Variants in RGS6 observed in about 807,000 individuals in gnomAD.
The protein encoded by RGS6 is regulator of G-protein signaling 6.
A neutral mutation model predicts 78.5 loss-of-function variants in RGS6; 30 were observed. The ratio of observed to expected loss-of-function variants is 0.38; its 90% CI spans 0.29 to 0.52. RGS6 has a LOEUF of 0.52. Ranked by LOEUF, RGS6 falls within the 20% of genes least tolerant of loss-of-function variation. The pLI, the probability that RGS6 is intolerant of heterozygous loss-of-function variation, is 0.85. For missense variants in RGS6, 495 were observed against 609.7 expected, an observed-to-expected ratio of 0.81 and a Z score of 1.98; for synonymous variants, 206 against 206.0, an observed-to-expected ratio of 1.00 and a Z score of 0.00.
intron 1 of RGS6, among the ~76,000 whole-genome samples, chr14:71,938,059 G>A (rs1301623200): frequency 6.6e-6 from 1 of 152,128 alleles, no homozygotes; most frequent in African/African-American, 2.4e-5. Context: ...GGGTGGTGAC[G>A]GGTGGCTGGG....
At chr14:72,416,014 G>C (rs1461495269) in intron 3 of RGS6, among the ~76,000 whole-genome samples, 1 of 151,988 alleles carries the variant, frequency 6.6e-6, no homozygotes, top group African/African-American at 2.4e-5. Context: ...CAGGTGGGGT[G>C]TTGCGTGCCT....
At chr14:72,306,272 T>C (rs1250337336) in intron 2 of RGS6, among the ~76,000 whole-genome samples, 1 of 152,216 alleles carries the variant, frequency 6.6e-6, no homozygotes, top group Non-Finnish European at 1.5e-5. Context: ...TGATGCTCAC[T>C]GACAATGCAC....
At chr14:72,011,697 G>T (rs1050735763) in intron 2 of RGS6, among the ~76,000 whole-genome samples, 4 of 152,036 alleles carry the variant, frequency 2.6e-5, no homozygotes, top group African/African-American at 9.7e-5. Context: ...TATAGAGGAG[G>T]GTGGCATAGG....
At chr14:72,203,142 T>C (rs1051823131) in intron 2 of RGS6, among the ~76,000 whole-genome samples, 9 of 152,276 alleles carry the variant, frequency 5.9e-5, no homozygotes, top group African/African-American at 2.2e-4. Flanking sequence ...CCCAAAGTGC[T>C]GGGATTATAG....
chr14:72,282,277 C>G (rs1394933119), intron 2 of RGS6, among the ~76,000 whole-genome samples: 1 of 152,192 alleles, frequency 6.6e-6, no homozygotes, highest in Non-Finnish European at 1.5e-5. Context: ...CCCTTTCCAT[C>G]TCTTTGTGAC....
At chr14:72,463,080 T>G (rs1482113386) in intron 6 of RGS6, among the ~76,000 whole-genome samples, 1 of 152,248 alleles carries the variant, frequency 6.6e-6, no homozygotes, top group East Asian at 1.9e-4. Context: ...CTTTATACAA[T>G]TTTTAAATAT....
At chr14:72,396,762 T>C (rs888208768) in intron 3 of RGS6, among the ~76,000 whole-genome samples, 1 of 148,074 alleles carries the variant, frequency 6.8e-6, no homozygotes, top group Admixed American at 6.6e-5. Context: ...TTTCTACATA[T>C]GTCTAGCCAG....
At chr14:72,457,961 A>T (rs1159787796) in intron 4 of RGS6, among the ~76,000 whole-genome samples, 1 of 152,198 alleles carries the variant, frequency 6.6e-6, no homozygotes, top group Admixed American at 6.5e-5. Context: ...CACTTAGTTA[A>T]ATACAGGTTC....
In RGS6 at chr14:72,363,999, T is replaced by TAAAAAAAAA. The variant is rs55943058; in HGVS notation, c.184+11824_184+11832dup. Among the ~76,000 whole-genome samples, 109 of 46,802 alleles carry TAAAAAAAAA rather than the reference T, an allele frequency of 2.3e-3. 30 individuals carry two copies. Among genetic ancestry groups the TAAAAAAAAA allele is most frequent in the African/African-American group, 5.1e-3 (78 of 15,210 alleles). 30.7% of individuals were successfully genotyped at this position (46,802 alleles called of 152,430 possible). A position where few individuals can be genotyped will look rare whatever the true frequency, so the allele number is the denominator to read the frequency against. On this transcript the variant is annotated intron_variant, in intron 3 of 17. Coordinates refer to ENST00000553525, the MANE Select transcript of RGS6 (RefSeq NM_001204424.2). ...ACCATCACTTGTCAGTGGACAAGGC[T>TAAAAAAAAA]AAAAAAAAAAAAAAAAAAAAAAAAA... is the stretch of plus-strand genomic sequence containing the variant.
intron 2 of RGS6, among the ~76,000 whole-genome samples, chr14:72,159,345 C>T (rs768643811): frequency 1.2e-4 from 18 of 152,106 alleles, no homozygotes; most frequent in South Asian, 2.1e-4. Flanking sequence ...GGATGGCCTC[C>T]GGGCAGAGTG....
At chr14:72,298,543 G>A (rs958818944) in intron 2 of RGS6, among the ~76,000 whole-genome samples, 1 of 147,116 alleles carries the variant, frequency 6.8e-6, no homozygotes, top group East Asian at 2.0e-4. Flanking sequence ...CGCCTCCCGG[G>A]TTCACCCCAT....
intron 15 of RGS6, among the ~76,000 whole-genome samples, chr14:72,527,610 C>A (rs996440261): frequency 5.3e-5 from 8 of 152,234 alleles, no homozygotes; most frequent in Admixed American, 2.0e-4. Flanking sequence ...TCCCACAAAT[C>A]ATCCCTTGCA....
At chr14:72,233,433 T>G in intron 2 of RGS6, among the ~76,000 whole-genome samples, 1 of 152,182 alleles carries the variant, frequency 6.6e-6, no homozygotes, top group African/African-American at 2.4e-5. Flanking sequence ...GTGGGTAAAT[T>G]GTTTATGGAA....
rs369258754 is a variant in RGS6 at position 72,173,191 on chromosome 14, G to A, written c.85-178904G>A. On this transcript the variant is annotated intron_variant, in intron 2 of 17. Coordinates refer to ENST00000553525, the MANE Select transcript of RGS6 (RefSeq NM_001204424.2). ...GGGACGTTTTTGGTGGTTATGCTTC[G>A]GGGAAGGGTGCTGCTAGCATCTAGT... Among the ~76,000 whole-genome samples, 40 of 152,090 alleles carry A rather than the reference G, an allele frequency of 2.6e-4. No individual in the cohort carries two copies. In the East Asian group the frequency reaches 3.9e-3, roughly 15 times the overall value.
At chr14:72,174,206 C>G (rs969787164) in intron 2 of RGS6, among the ~76,000 whole-genome samples, 3 of 152,244 alleles carry the variant, frequency 2.0e-5, no homozygotes, top group Non-Finnish European at 4.4e-5. Context: ...CTCCCAGGTT[C>G]AAGCAATTCT....
At chr14:72,006,700 AAAATACGTGAAACAAT>A (rs2084638976) in intron 2 of RGS6, among the ~76,000 whole-genome samples, 1 of 152,236 alleles carries the variant, frequency 6.6e-6, no homozygotes, top group African/African-American at 2.4e-5. Context: ...TGACCTTCAG[AAAATACGTGAAACAAT>A]AAATTCTTGT....
intron 3 of RGS6, among the ~76,000 whole-genome samples, chr14:72,378,190 G>A (rs891581743): frequency 2.6e-5 from 4 of 151,974 alleles, no homozygotes; most frequent in Non-Finnish European, 4.4e-5. Context: ...ATACCAAAAC[G>A]TACGGGACAC....
intron 2 of RGS6, among the ~76,000 whole-genome samples, chr14:72,059,634 T>C (rs1403617834): frequency 2.0e-5 from 3 of 152,112 alleles, no homozygotes; most frequent in African/African-American, 7.2e-5. Flanking sequence ...GAGCCCTAGG[T>C]TCCTATGTTG....
intron 10 of RGS6, among the ~76,000 whole-genome samples, chr14:72,476,377 C>G (rs1025578004): frequency 6.6e-6 from 1 of 152,190 alleles, no homozygotes; most frequent in Non-Finnish European, 1.5e-5. Context: ...TCCAAACCCA[C>G]CCACAAAGAT....
Sources: gnomAD v4.1 joint callset for allele counts (sites outside exome capture counted in the v4.1 genomes callset) on GRCh38, gnomAD v4.1.1 for gene constraint, MANE v1.5 for transcripts, NCBI Gene and HGNC (gene_info 2026-07-23, HGNC 2026-07-21) for gene names.